CDK14: variants seen among roughly 807,000 people sequenced by gnomAD.
The protein encoded by CDK14 is cyclin dependent kinase 14.
CDK14 carries 34 observed loss-of-function variants against 60.7 expected under a neutral mutation model. The ratio of observed to expected loss-of-function variants is 0.56; its 90% confidence interval spans 0.43 to 0.75. The LOEUF is 0.75. Among genes scored for constraint, CDK14 ranks in the 30% least tolerant of loss-of-function variants. The pLI is 0.00. For synonymous variants in CDK14, 197 were observed against 203.7 expected (o/e 0.97, Z 0.28); for missense variants, 482 against 564.1 (o/e 0.85, Z 1.47).
chr7:90,635,874 A>G (rs1423049022), intron 2 of CDK14, among the ~76,000 whole-genome samples: 11 of 151,616 alleles, frequency 7.3e-5, no homozygotes, highest in East Asian at 1.9e-4. Flanking sequence ...GGATTCCTAG[A>G]TATTTTATTC....
At position 90,836,655 on chromosome 7, in the gene CDK14, C is replaced by T. The variant is rs551696961; in HGVS notation, c.545-26520C>T. Among the ~76,000 whole-genome samples, 163 of 152,108 alleles carry T rather than the reference C, an allele frequency of 1.1e-3. 1 individual carries two copies. The highest frequency in any genetic ancestry group is 2.0e-3 in the Non-Finnish European group (138 of 68,032). ...TAATGATAAAAATGGTATACATAAA[C>T]CAGTAACATAGTCATTTATTATCAT... is the stretch of plus-strand genomic sequence containing the variant. On this transcript the variant is annotated intron_variant, in intron 5 of 14. Coordinates refer to ENST00000380050, the MANE Select transcript of CDK14 (RefSeq NM_001287135.2).
chr7:90,931,064 A>G (rs910287342), intron 8 of CDK14, among the ~76,000 whole-genome samples: 3 of 152,204 alleles, frequency 2.0e-5, no homozygotes, highest in African/African-American at 4.8e-5. Context: ...AAATAGGTAT[A>G]TTACAGATAA....
intron 2 of CDK14, among the ~76,000 whole-genome samples, chr7:90,623,231 A>G (rs1799810511): frequency 6.6e-6 from 1 of 152,132 alleles, no homozygotes; most frequent in African/African-American, 2.4e-5. Flanking sequence ...CAGGATGTCA[A>G]ATGGCTTAAA....
rs528834304 is a variant in CDK14, at chr7:91,087,385, C to A, written c.1154+7905C>A. 2.6e-5 allele frequency among the ~76,000 whole-genome samples: 4 copies of A among 152,166 alleles called. No individual in the cohort carries two copies. The East Asian group carries it at 7.8e-4, about 29-fold the overall frequency. On this transcript the variant is annotated intron_variant, in intron 12 of 14. Coordinates refer to ENST00000380050, the MANE Select transcript of CDK14 (RefSeq NM_001287135.2). ...AAGAGAGGAAGGAAGGTTGCACAAG[C>A]TAATTATTGACACAAATAGCAATTA...
intron 10 of CDK14, among the ~76,000 whole-genome samples, chr7:91,038,413 G>A (rs997548860): frequency 1.3e-5 from 2 of 152,118 alleles, no homozygotes; most frequent in Non-Finnish European, 2.9e-5. Flanking sequence ...AACACTTAGA[G>A]TCCAATGAAA....
At chr7:91,110,587 G>A (rs1429359511) in intron 12 of CDK14, among the ~76,000 whole-genome samples, 1 of 152,168 alleles carries the variant, frequency 6.6e-6, no homozygotes, top group Non-Finnish European at 1.5e-5. Flanking sequence ...TGACTTCTGA[G>A]TTAAGTACTT....
chr7:90,625,563 G>C (rs1799860270), intron 2 of CDK14, among the ~76,000 whole-genome samples: 1 of 152,130 alleles, frequency 6.6e-6, no homozygotes, highest in East Asian at 1.9e-4. Flanking sequence ...TTTAAATGTA[G>C]TATTTTAAAT....
chr7:91,153,244 T>C (rs2115698300), intron 14 of CDK14, among the ~76,000 whole-genome samples: 1 of 152,314 alleles, frequency 6.6e-6, no homozygotes, highest in East Asian at 1.9e-4. Flanking sequence ...TAATAACAGA[T>C]GCTGGTGAGG....
chr7:91,037,549 T>C (rs975951018), intron 10 of CDK14, among the ~76,000 whole-genome samples: 1 of 152,180 alleles, frequency 6.6e-6, no homozygotes, highest in Non-Finnish European at 1.5e-5. Context: ...CTGAGCCACA[T>C]TTCTCAGCCA....
intron 5 of CDK14, among the ~76,000 whole-genome samples, chr7:90,828,686 T>C (rs1273201986): frequency 6.6e-6 from 1 of 152,154 alleles, no homozygotes; most frequent in Non-Finnish European, 1.5e-5. Context: ...CATCTGCTTG[T>C]TGAATTACCC....
intron 2 of CDK14, among the ~76,000 whole-genome samples, chr7:90,672,443 T>G (rs758036150): frequency 6.6e-6 from 1 of 151,770 alleles, no homozygotes; most frequent in Non-Finnish European, 1.5e-5. Context: ...TGGCTTCTTT[T>G]ACTTAGCATA....
intron 11 of CDK14, among the ~76,000 whole-genome samples, chr7:91,066,343 T>G (rs936670404): frequency 1.3e-5 from 2 of 152,158 alleles, no homozygotes; most frequent in African/African-American, 4.8e-5. Flanking sequence ...TGGACCCCCC[T>G]CTTTGTCTGC....
chr7:90,972,746 G>A (rs887567269), intron 9 of CDK14, among the ~76,000 whole-genome samples: 1 of 152,046 alleles, frequency 6.6e-6, no homozygotes, highest in Non-Finnish European at 1.5e-5. Context: ...TGTTCCTTTG[G>A]CTGGAGCTTG....
chr7:90,837,938 G>T (rs1440397000), intron 5 of CDK14, among the ~76,000 whole-genome samples: 1 of 152,094 alleles, frequency 6.6e-6, no homozygotes, highest in Non-Finnish European at 1.5e-5. Flanking sequence ...GTGGTGAGGA[G>T]GGGAAAGGAT....
intron 4 of CDK14, among the ~76,000 whole-genome samples, chr7:90,750,987 T>C (rs1431543339): frequency 6.6e-6 from 1 of 152,026 alleles, no homozygotes; most frequent in Admixed American, 6.5e-5. Context: ...CAGACAAAAA[T>C]AATATTTTTT....
At chr7:90,897,445 T>C (rs1279004052) in intron 6 of CDK14, among the ~76,000 whole-genome samples, 1 of 152,000 alleles carries the variant, frequency 6.6e-6, no homozygotes, top group Non-Finnish European at 1.5e-5. Context: ...TTCTTGTGTG[T>C]GAAGCATTGA....
chr7:90,689,547 A>G (rs1166315558), intron 2 of CDK14, among the ~76,000 whole-genome samples: 1 of 152,166 alleles, frequency 6.6e-6, no homozygotes, highest in African/African-American at 2.4e-5. Context: ...TCCTTTGAGG[A>G]GAAAAAGACC....
At chr7:90,645,667 T>TAATTA (rs1469085915) in intron 2 of CDK14, among the ~76,000 whole-genome samples, 8 of 152,212 alleles carry the variant, frequency 5.3e-5, no homozygotes, top group African/African-American at 1.9e-4. Flanking sequence ...ACATACTTGA[T>TAATTA]AACACTTAAA....
At chr7:90,672,987 A>G (rs1801128024) in intron 2 of CDK14, among the ~76,000 whole-genome samples, 1 of 152,160 alleles carries the variant, frequency 6.6e-6, no homozygotes, top group Non-Finnish European at 1.5e-5. Context: ...AGGTTGCCAT[A>G]ATTTAAATGC....
Sources: allele counts gnomAD v4.1 joint callset (sites outside exome capture counted in the v4.1 genomes callset), GRCh38; gene constraint gnomAD v4.1.1; transcripts MANE v1.5; gene names NCBI Gene and HGNC (gene_info 2026-07-23, HGNC 2026-07-21).